Variants in PREX1 observed in about 807,000 individuals in gnomAD.
PREX1 encodes phosphatidylinositol-3,4,5-trisphosphate dependent Rac exchange factor 1, also known as phosphatidylinositol 3,4,5-trisphosphate-dependent Rac exchanger 1 protein.
PREX1 carries 41 observed loss-of-function variants against 198.3 expected under a neutral mutation model. That is an observed-to-expected ratio of 0.21 (90% CI 0.16 to 0.27). The LOEUF (loss-of-function observed/expected upper bound fraction) is 0.27. PREX1 is among the 10% of genes least tolerant of loss of function. The pLI is 1.00. For missense variants in PREX1, 1,620 were observed against 2,200.7 expected, an observed-to-expected ratio of 0.74 and a Z score of 5.28; for synonymous variants, 843 against 887.2, an observed-to-expected ratio of 0.95 and a Z score of 0.89.
intron 33 of PREX1, among the ~76,000 whole-genome samples, chr20:48,632,994 T>C (rs1473654860): frequency 1.3e-5 from 2 of 152,210 alleles, no homozygotes; most frequent in Non-Finnish European, 2.9e-5. Flanking sequence ...CCAGCGCTCC[T>C]TGTACCCTCA....
chr20:48,701,085 C>A (rs2089871394), intron 6 of PREX1, among the ~76,000 whole-genome samples, 199 bp from the exon 7 acceptor site: 1 of 152,182 alleles, frequency 6.6e-6, no homozygotes, highest in African/African-American at 2.4e-5. Context: ...GGAGGGCACA[C>A]TGATATGACC....
At chr20:48,801,203 C>T (rs762179507) in intron 1 of PREX1, among the ~76,000 whole-genome samples, 41 of 152,324 alleles carry the variant, frequency 2.7e-4, no homozygotes, top group Non-Finnish European at 2.8e-4. Flanking sequence ...AGTGTCTATG[C>T]CATCATAGGC....
At chr20:48,676,540 A>T (rs1235532478) in intron 13 of PREX1, among the ~76,000 whole-genome samples, 1 of 152,192 alleles carries the variant, frequency 6.6e-6, no homozygotes, top group Admixed American at 6.5e-5. Context: ...TCTCTAGCCC[A>T]GGAGATCTCA....
chr20:48,772,622 A>AC (rs1208525723), intron 1 of PREX1, among the ~76,000 whole-genome samples: 1 of 152,218 alleles, frequency 6.6e-6, no homozygotes, highest in Non-Finnish European at 1.5e-5. Flanking sequence ...AGGAAAGGCG[A>AC]CAGTATACAA....
At chr20:48,870,722 C>G in the PREX1 span, among the ~76,000 whole-genome samples, 6 of 151,502 alleles carry the variant, frequency 4.0e-5, no homozygotes, top group African/African-American at 1.5e-4. Context: ...CCAAAGCAGG[C>G]AGGTCACTTG....
chr20:48,784,259 A>C (rs1387628520), intron 1 of PREX1, among the ~76,000 whole-genome samples: 1 of 152,228 alleles, frequency 6.6e-6, no homozygotes, highest in African/African-American at 2.4e-5. Flanking sequence ...GAAACCTTAC[A>C]TGAATGATGT....
At chr20:48,716,101 AG>A (rs200816042) in intron 5 of PREX1, among the ~76,000 whole-genome samples, 1,768 of 152,298 alleles carry the variant, frequency 0.012, 33 homozygotes, top group African/African-American at 0.041. Flanking sequence ...AACTGAGTGC[AG>A]GGAAGAGAGG....
intron 5 of PREX1, among the ~76,000 whole-genome samples, chr20:48,708,946 T>A (rs2089917101): frequency 6.6e-6 from 1 of 152,072 alleles, no homozygotes; most frequent in African/African-American, 2.4e-5. Flanking sequence ...AAGATGGGCA[T>A]AAAAAATACC....
Position 48,684,536 on chromosome 20 carries a change from G to C in PREX1, c.1335-3201C>G, listed in dbSNP as rs1453764076. ...TCTGGCAGACGTCCATAACTGAACA[G>C]CATCTAATCTCTGCCAAGGGTGAAA... On this transcript the variant is annotated intron_variant, in intron 10 of 39. Coordinates refer to ENST00000371941, the MANE Select transcript of PREX1 (RefSeq NM_020820.4). The surrounding 1 kb of genome is among the most constrained non-coding windows in gnomAD (Gnocchi z 4.2). 2.0e-5 allele frequency among the ~76,000 whole-genome samples: 3 copies of C among 152,240 alleles called. No individual in the cohort carries two copies. The highest frequency in any genetic ancestry group is 7.2e-5 in the African/African-American group (3 of 41,456).
chr20:48,787,260 C>T (rs912320985), intron 1 of PREX1, among the ~76,000 whole-genome samples: 4 of 151,986 alleles, frequency 2.6e-5, no homozygotes, highest in Non-Finnish European at 5.9e-5. Context: ...CTGCTTCCCC[C>T]GATCCCAGGA....
rs1386662405 is a variant in PREX1 at position 48,750,561 on chromosome 20, C to T, written c.220-2681G>A. On this transcript the variant is annotated intron_variant, in intron 1 of 39. Transcript: ENST00000371941. ...TTCTATCCACCTGCCAAATACACTC[C>T]TGCCTCAGGACCTTTGCATATGCTG... 2.6e-5 allele frequency among the ~76,000 whole-genome samples: 4 copies of T among 152,124 alleles called. No individual in the cohort carries two copies. In the East Asian group the frequency reaches 7.7e-4, roughly 29 times the overall value.
intron 14 of PREX1, among the ~76,000 whole-genome samples, chr20:48,673,357 C>T (rs117493206): frequency 1.3e-5 from 2 of 152,218 alleles, no homozygotes; most frequent in Non-Finnish European, 2.9e-5. Flanking sequence ...CAGTGCAACC[C>T]GTCTCTTCTA....
Position 48,726,373 on chromosome 20 carries a change from C to T in PREX1, c.538G>A (p.Gly180Ser), listed in dbSNP as rs923310799. The stretch of plus-strand genomic sequence containing the variant: ...AAAGGGATGTCCGTGGTCTTCCGGC[C>T]TCCCAGAAGCATGCAGCTCTGCAAA... ...AFLLSCMLLGGRKTTDIPLEG... is the reference protein window; with the variant it reads ...AFLLSCMLLGSRKTTDIPLEG... Residue 180 changes from glycine to serine, a missense_variant, in exon 5 of 40, where the codon GGC becomes AGC. Gly to Ser is a moderately conservative substitution (Grantham distance 56). Transcript: ENST00000371941. 1.2e-6 allele frequency: 2 copies of T among 1,613,266 alleles called. No individual in the cohort carries two copies. Among genetic ancestry groups the T allele is most frequent in the Middle Eastern group, 1.7e-4 (1 of 6,056 alleles).
At chr20:48,679,441 C>T (rs1235166219) in intron 12 of PREX1, 32 bp from the exon 13 acceptor site, 2 of 1,603,288 alleles carry the variant, frequency 1.2e-6, no homozygotes, top group African/African-American at 2.7e-5. Flanking sequence ...ATTCTGGGAT[C>T]AGGCCACATC....
Position 48,634,707 on chromosome 20 carries a change from G to A in PREX1, c.4236C>T (p.Ser1412=). 1 of 1,614,230 alleles carries A rather than the reference G, an allele frequency of 6.2e-7. No homozygotes were observed. Among genetic ancestry groups the A allele is most frequent in the Non-Finnish European group, 8.5e-7 (1 of 1,180,036 alleles). Residue 1412 remains serine (S), a synonymous_variant, in exon 33 of 40, where the codon TCC becomes TCT. Coordinates refer to ENST00000371941, the MANE Select transcript of PREX1 (RefSeq NM_020820.4). ...TLSELDNVTF[S]FKQLDENYVA... ...CATAGTTCTCGTCCAGCTGCTTAAA[G>A]GAGAAGGTGACATTGTCCAGCTCTG...
Position 48,661,527 on chromosome 20 carries a change from A to ATGTGTG in PREX1, c.1739-1472_1739-1467dup, listed in dbSNP as rs536771095. On this transcript the variant is annotated intron_variant, in intron 15 of 39. Coordinates refer to ENST00000371941, the MANE Select transcript of PREX1 (RefSeq NM_020820.4). ...GTATATAACATATATAATATATATAATGTGTGTGTGTGTGTGTATATATAT... is the reference window on the plus strand; with the variant it reads ...GTATATAACATATATAATATATATAATGTGTGTGTGTGTGTGTGTGTGTATATATAT... 2.1e-3 allele frequency among the ~76,000 whole-genome samples: 253 copies of ATGTGTG among 121,240 alleles called. 1 individual carries two copies. The Middle Eastern group carries it at 0.031, about 15-fold the overall frequency. 79.5% of individuals were successfully genotyped at this position (121,240 alleles called of 152,430 possible).
rs1320240831 is a variant in PREX1, at chr20:48,658,175, A to T, written c.1935T>A (p.Ala645=). Residue 645 remains alanine (A), a synonymous_variant, in exon 17 of 40, where the codon GCT becomes GCA. Coordinates refer to ENST00000371941, the MANE Select transcript of PREX1 (RefSeq NM_020820.4). ...YGFDIEEKNK[A]VVVKSVQRGS... ...CCCTCTGGACGGACTTCACCACCAC[A>T]GCCTTGTTCTTCTCCTCGATGTCAA... 1.2e-6 allele frequency: 2 copies of T among 1,614,040 alleles called. No homozygotes were observed. The highest frequency in any genetic ancestry group is 1.7e-6 in the Non-Finnish European group (2 of 1,180,002).
intron 6 of PREX1, among the ~76,000 whole-genome samples, chr20:48,701,216 TG>T (rs1385366341): frequency 1.3e-5 from 2 of 152,148 alleles, no homozygotes. Context: ...TTTTGGTTTT[TG>T]GGTTTATTTT....
chr20:48,763,480 T>C (rs1479629710), intron 1 of PREX1, among the ~76,000 whole-genome samples: 1 of 152,198 alleles, frequency 6.6e-6, no homozygotes, highest in African/African-American at 2.4e-5. Context: ...AGCAGGACAA[T>C]GAGTGGAATG....
Sources: allele counts gnomAD v4.1 joint callset (sites outside exome capture counted in the v4.1 genomes callset), GRCh38; gene constraint gnomAD v4.1.1; non-coding constraint Gnocchi (gnomAD v3.1); transcripts MANE v1.5; gene names NCBI Gene and HGNC (gene_info 2026-07-23, HGNC 2026-07-21).